TRAM1: variants seen among roughly 807,000 people sequenced by gnomAD.
The protein encoded by TRAM1 is translocating chain-associated membrane protein 1.
In TRAM1, 17 loss-of-function variants were observed where a neutral mutation model predicts 48.7. The observed-to-expected ratio is 0.35, with a 90% CI of 0.24 to 0.52. The LOEUF is 0.52. Among genes scored for constraint, TRAM1 ranks in the 20% least tolerant of loss-of-function variants. The pLI is 0.94. For missense variants in TRAM1, 351 were observed against 441.5 expected, an observed-to-expected ratio of 0.79 and a Z score of 1.84; for synonymous variants, 182 against 154.0, an observed-to-expected ratio of 1.18 and a Z score of -1.34.
chr8:70,583,524 A>T, intron 9 of TRAM1, 126 bp downstream of exon 9: 1 of 1,381,094 alleles, frequency 7.2e-7, no homozygotes, highest in Non-Finnish European at 9.8e-7. Flanking sequence ...ACGGGTATGA[A>T]ATAAAATCAA....
chr8:70,583,183 T>C lies in TRAM1; in HGVS notation c.1032A>G (p.Arg344=), dbSNP rs752308169. 7 of 1,613,688 alleles carry C rather than the reference T, an allele frequency of 4.3e-6. No homozygotes were observed. The African/African-American group carries it at 9.3e-5, about 22-fold the overall frequency. ...ACAAACCTGTTCCTTTTTTAGAAGA[T>C]CTGCCTTTAGTTACTGTTGGTTTCT... The part of the protein sequence containing the change: ...VKKKPTVTKG[R]SSKKGTENGV... The change falls in exon 10 of 11, where the codon AGA becomes AGG. Residue 344 remains arginine (R), a synonymous_variant. Coordinates refer to ENST00000262213, the MANE Select transcript of TRAM1 (RefSeq NM_014294.6).
intron 8 of TRAM1, among the ~76,000 whole-genome samples, chr8:70,584,831 T>C (rs1817171939): frequency 6.6e-6 from 1 of 152,008 alleles, no homozygotes; most frequent in Non-Finnish European, 1.5e-5. Context: ...GAAGAATCAA[T>C]ATCATGAAAA....
chr8:70,593,365 T>A (rs1446513764), intron 6 of TRAM1, among the ~76,000 whole-genome samples: 1 of 151,412 alleles, frequency 6.6e-6, no homozygotes, highest in Non-Finnish European at 1.5e-5. Flanking sequence ...CCAGACTGGC[T>A]GTCACACTTT....
intron 10 of TRAM1, among the ~76,000 whole-genome samples, chr8:70,576,092 A>C (rs1363497240): frequency 1.3e-5 from 2 of 150,482 alleles, no homozygotes; most frequent in Non-Finnish European, 3.0e-5. Context: ...AAAAAAAAAA[A>C]AAACCACACA....
intron 1 of TRAM1, among the ~76,000 whole-genome samples, chr8:70,602,115 A>C (rs9650236): frequency 0.11 from 17,358 of 152,258 alleles, 1,150 homozygotes; most frequent in African/African-American, 0.18. Flanking sequence ...CAAAGGGGAA[A>C]CATTTCTAAA....
chr8:70,586,167 G>A lies in TRAM1; in HGVS notation c.746+728C>T, dbSNP rs544168139. 3.3e-5 allele frequency among the ~76,000 whole-genome samples: 5 copies of A among 150,130 alleles called. No individual in the cohort carries two copies. The South Asian group carries it at 6.3e-4, about 19-fold the overall frequency. On this transcript the variant is annotated intron_variant, in intron 8 of 10. Transcript: ENST00000262213. ...AAACCATCATTCTCAGCAAACTATC[G>A]CAAAGACAAAAAACCAAACACTGCA...
Position 70,596,347 on chromosome 8 carries a change from C to T in TRAM1, c.427-26G>A, listed in dbSNP as rs879236437. 5.8e-6 allele frequency: 9 copies of T among 1,550,444 alleles called. No individual in the cohort carries two copies. In the South Asian group the frequency reaches 7.1e-5, roughly 12 times the overall value. On this transcript the variant is annotated intron_variant, in intron 4 of 10. Transcript: ENST00000262213. ...CTAAGAAAGAAGATATAAAAATTAA[C>T]CTGTGAGCATAATGCAAACTTCTTG...
chr8:70,574,246 T>C lies in TRAM1; in HGVS notation c.*686A>G, dbSNP rs763159826. The C allele has an allele frequency of 1.9e-5, 8 of 414,622 alleles. No homozygotes were observed. The highest frequency in any genetic ancestry group is 3.7e-5 in the Non-Finnish European group (8 of 214,742). The allele number at this position is 414,622 out of a possible 1,614,324, so 25.7% of individuals were successfully genotyped here. A position where few individuals can be genotyped will look rare whatever the true frequency, so the allele number is the denominator to read the frequency against. ...ATTTCCAGTTTACAAGTATTGAAAATGCACAAGAAAGATTTTACTTCACAA... is the reference window on the plus strand; with the variant it reads ...ATTTCCAGTTTACAAGTATTGAAAACGCACAAGAAAGATTTTACTTCACAA... On this transcript the variant is annotated 3_prime_UTR_variant, in exon 11 of 11. Coordinates refer to ENST00000262213, the MANE Select transcript of TRAM1 (RefSeq NM_014294.6).
rs752409527 is a variant in TRAM1, at chr8:70,583,115, TAA to T, written c.1051+47_1051+48del. 1.1e-5 allele frequency: 17 copies of T among 1,565,998 alleles called. No individual in the cohort carries two copies. In the South Asian group the frequency reaches 1.2e-4, roughly 11 times the overall value. On this transcript the variant is annotated intron_variant, in intron 10 of 10. Transcript: ENST00000262213. ...AAATAAGATCCAACAACAAATTTTT[TAA>T]AAGTTTTCTACTTCCATGAGTTTTT...
intron 10 of TRAM1, among the ~76,000 whole-genome samples, chr8:70,579,579 C>T (rs1233231051): frequency 1.3e-5 from 2 of 152,148 alleles, no homozygotes; most frequent in African/African-American, 4.8e-5. Flanking sequence ...CATTGATAGT[C>T]AATGTAGTCA....
intron 2 of TRAM1, among the ~76,000 whole-genome samples, chr8:70,598,868 C>A (rs572641099): frequency 6.6e-6 from 1 of 152,302 alleles, no homozygotes; most frequent in East Asian, 1.9e-4. Context: ...GAGCTTTATT[C>A]TTCTCTGGCA....
At chr8:70,581,778 G>A (rs980284490) in intron 10 of TRAM1, among the ~76,000 whole-genome samples, 1 of 152,152 alleles carries the variant, frequency 6.6e-6, no homozygotes, top group Non-Finnish European at 1.5e-5. Context: ...TCCATACAAT[G>A]GAATATTAAT....
intron 6 of TRAM1, among the ~76,000 whole-genome samples, chr8:70,590,184 A>G (rs1468035341): frequency 6.6e-6 from 1 of 151,498 alleles, no homozygotes; most frequent in Non-Finnish European, 1.5e-5. Flanking sequence ...CTATAATGTA[A>G]TGTAACTACT....
At chr8:70,604,558 G>A (rs1817679813) in intron 1 of TRAM1, among the ~76,000 whole-genome samples, 1 of 152,012 alleles carries the variant, frequency 6.6e-6, no homozygotes, top group Non-Finnish European at 1.5e-5. Context: ...CAAGTGTGAT[G>A]ATTGGGGTTT....
intron 1 of TRAM1, among the ~76,000 whole-genome samples, chr8:70,601,602 G>A (rs189459445): frequency 1.2e-3 from 189 of 152,276 alleles, no homozygotes; most frequent in African/African-American, 4.4e-3. Flanking sequence ...GTACATATTA[G>A]GTAATTAATC....
At position 70,574,296 on chromosome 8, in the gene TRAM1, T is replaced by TTAA. The variant is rs1357489787; in HGVS notation, c.*633_*635dup. The TTAA allele has an allele frequency of 2.5e-6, 1 of 393,110 alleles. No individual in the cohort carries two copies. The highest frequency in any genetic ancestry group is 2.2e-5 in the African/African-American group (1 of 45,808). 24.4% of individuals were successfully genotyped at this position (393,110 alleles called of 1,614,324 possible). A position where few individuals can be genotyped will look rare whatever the true frequency, so the allele number is the denominator to read the frequency against. The stretch of plus-strand genomic sequence containing the variant: ...AGTACTTTTAAGAATATACTTTGAT[T>TTAA]TAATATGTATGTTAGTAAAACTCCA... On this transcript the variant is annotated 3_prime_UTR_variant, in exon 11 of 11. Transcript: ENST00000262213.
intron 1 of TRAM1, among the ~76,000 whole-genome samples, chr8:70,602,121 C>T (rs1480119613): frequency 6.6e-6 from 1 of 152,092 alleles, no homozygotes. Flanking sequence ...GGAAACATTT[C>T]TAAAAGGTGT....
At position 70,608,170 on chromosome 8, in the gene TRAM1, G is replaced by A; in HGVS notation, c.30C>T (p.Ser10=). ...CGAATTCGTGGCTCAGCACTGGGGG[G>A]CTCTTGGTGCTTTTCTTGCGAATCG... is the stretch of plus-strand genomic sequence containing the variant. MAIRKKSTK[S]PPVLSHEFVL... The change falls in exon 1 of 11, where the codon AGC becomes AGT. Residue 10 remains serine, a synonymous_variant. Transcript: ENST00000262213. 1.9e-6 allele frequency: 3 copies of A among 1,590,498 alleles called. No individual in the cohort carries two copies. The highest frequency in any genetic ancestry group is 4.9e-5 in the East Asian group (2 of 41,148).
At chr8:70,583,905 T>C in intron 8 of TRAM1, 112 bp from the exon 9 acceptor site, 1 of 1,263,584 alleles carries the variant, frequency 7.9e-7, no homozygotes, top group Non-Finnish European at 1.1e-6. Flanking sequence ...CCCAGCTACT[T>C]GGGAGGCTGA....
Sources: gnomAD v4.1 joint callset for allele counts (sites outside exome capture counted in the v4.1 genomes callset) on GRCh38, gnomAD v4.1.1 for gene constraint, MANE v1.5 for transcripts, NCBI Gene and HGNC (gene_info 2026-07-23, HGNC 2026-07-21) for gene names.